CHRM2: variants seen among roughly 807,000 people sequenced by gnomAD.
The protein encoded by CHRM2 is muscarinic acetylcholine receptor M2.
A neutral mutation model predicts 25.0 loss-of-function variants in CHRM2; 8 were observed. That is an observed-to-expected ratio of 0.32 (90% confidence interval 0.19 to 0.58). The LOEUF is 0.58. CHRM2 is among the 20% of genes least tolerant of loss of function. The probability of loss-of-function intolerance (pLI) is 0.88; values close to 1 mark genes in which losing one functional copy is unlikely to be tolerated. For missense variants in CHRM2, 440 were observed against 567.1 expected, an observed-to-expected ratio of 0.78 and a Z score of 2.28; for synonymous variants, 202 against 205.7, an observed-to-expected ratio of 0.98 and a Z score of 0.15.
intron 2 of CHRM2, among the ~76,000 whole-genome samples, chr7:136,928,097 A>C (rs554981693): frequency 6.6e-6 from 1 of 152,300 alleles, no homozygotes; most frequent in South Asian, 2.1e-4. Context: ...AGGGACATTA[A>C]ATGTATAAGA....
chr7:136,940,832 A>G (rs1203298385), intron 2 of CHRM2, among the ~76,000 whole-genome samples: 1 of 152,196 alleles, frequency 6.6e-6, no homozygotes. Context: ...AATTAAGTAT[A>G]GGTGTTTTCT....
intron 2 of CHRM2, among the ~76,000 whole-genome samples, chr7:136,887,634 AG>A (rs1021242767): frequency 4.6e-5 from 7 of 152,190 alleles, no homozygotes; most frequent in African/African-American, 1.7e-4. Context: ...TCACCCTCAA[AG>A]AACAGATAAT....
At chr7:136,996,397 T>C (rs1321924405) in intron 3 of CHRM2, among the ~76,000 whole-genome samples, 1 of 152,088 alleles carries the variant, frequency 6.6e-6, no homozygotes, top group Non-Finnish European at 1.5e-5. Context: ...AAATTATAGC[T>C]AAAACTTCAA....
chr7:136,997,982 G>C (rs1027699679), intron 3 of CHRM2, among the ~76,000 whole-genome samples: 9 of 152,138 alleles, frequency 5.9e-5, no homozygotes, highest in African/African-American at 1.7e-4. Context: ...GACAGACTGG[G>C]TGAGAAAACA....
At chr7:137,004,249 G>A (rs324640) in intron 3 of CHRM2, among the ~76,000 whole-genome samples, 78,863 of 151,932 alleles carry the variant, frequency 0.52, 21,794 homozygotes, top group African/African-American at 0.66. Flanking sequence ...GCTACTTTTT[G>A]TCAGATGACA....
At chr7:136,952,308 C>A (rs1307644706) in intron 2 of CHRM2, among the ~76,000 whole-genome samples, 2 of 152,176 alleles carry the variant, frequency 1.3e-5, no homozygotes, top group Non-Finnish European at 2.9e-5. Context: ...ATTTTAATTT[C>A]CCTCTTATTT....
intron 2 of CHRM2, among the ~76,000 whole-genome samples, chr7:136,975,872 A>G (rs953856744): frequency 1.3e-5 from 2 of 152,184 alleles, no homozygotes; most frequent in Non-Finnish European, 2.9e-5. Context: ...ACACCAGGAT[A>G]ATTCCAATAC....
intron 2 of CHRM2, among the ~76,000 whole-genome samples, chr7:136,976,838 G>T (rs1476996788): frequency 6.6e-6 from 1 of 152,072 alleles, no homozygotes; most frequent in Non-Finnish European, 1.5e-5. Flanking sequence ...TAGTCAACTT[G>T]GTCCATGGAA....
At chr7:136,995,787 T>C (rs945485486) in intron 3 of CHRM2, among the ~76,000 whole-genome samples, 2 of 151,710 alleles carry the variant, frequency 1.3e-5, no homozygotes, top group Non-Finnish European at 2.9e-5. Flanking sequence ...ATAAATAAAA[T>C]TTTAAAAAAT....
At chr7:136,943,971 T>C (rs1799916944) in intron 2 of CHRM2, among the ~76,000 whole-genome samples, 2 of 152,240 alleles carry the variant, frequency 1.3e-5, no homozygotes, top group South Asian at 4.1e-4. Flanking sequence ...AGAAACAAAT[T>C]GAAAGATTGT....
chr7:136,945,029 T>C (rs182236819), intron 2 of CHRM2, among the ~76,000 whole-genome samples: 64 of 152,272 alleles, frequency 4.2e-4, no homozygotes, highest in Middle Eastern at 3.4e-3. Flanking sequence ...CATATGTTCG[T>C]TGGCCATTTG....
chr7:136,873,692 T>C (rs1434336795), intron 2 of CHRM2, among the ~76,000 whole-genome samples: 2 of 152,216 alleles, frequency 1.3e-5, no homozygotes, highest in Non-Finnish European at 2.9e-5. Context: ...CGGTTCGCTA[T>C]AAATAGTTGT....
chr7:136,931,740 G>C (rs1219521344), intron 2 of CHRM2, among the ~76,000 whole-genome samples: 1 of 152,164 alleles, frequency 6.6e-6, no homozygotes, highest in Non-Finnish European at 1.5e-5. Context: ...TCCCTTTGAA[G>C]ACTGCATTTC....
chr7:136,905,100 A>T (rs901745726), intron 2 of CHRM2, among the ~76,000 whole-genome samples: 1 of 151,956 alleles, frequency 6.6e-6, no homozygotes, highest in African/African-American at 2.4e-5. Context: ...TTTAATTTTT[A>T]AAATCTGAAG....
At chr7:137,014,562 T>C (rs184818410) in intron 3 of CHRM2, among the ~76,000 whole-genome samples, 17 of 152,124 alleles carry the variant, frequency 1.1e-4, no homozygotes, top group Admixed American at 5.2e-4. Flanking sequence ...GGTAGGTAGA[T>C]AGATACTCAT....
At chr7:136,893,945 C>T (rs1016582848) in intron 2 of CHRM2, among the ~76,000 whole-genome samples, 8 of 152,126 alleles carry the variant, frequency 5.3e-5, no homozygotes, top group East Asian at 3.9e-4. Context: ...CTTTGTTCTA[C>T]GTCTTCAATT....
intron 2 of CHRM2, among the ~76,000 whole-genome samples, chr7:136,882,277 C>T (rs1796295375): frequency 6.6e-6 from 1 of 151,970 alleles, no homozygotes. Context: ...ATATTCAACT[C>T]CTTTATACAA....
chr7:136,968,636 T>C (rs1040627581), intron 2 of CHRM2, among the ~76,000 whole-genome samples: 1 of 150,758 alleles, frequency 6.6e-6, no homozygotes, highest in Non-Finnish European at 1.5e-5. Flanking sequence ...CAAAGGTCTA[T>C]TGGCAGATGA....
intron 2 of CHRM2, among the ~76,000 whole-genome samples, chr7:136,930,235 C>T (rs1798982733): frequency 6.6e-6 from 1 of 151,930 alleles, no homozygotes. Context: ...GAGTTTGAGA[C>T]CAGCCTGGCC....
Sources: allele counts gnomAD v4.1 joint callset (sites outside exome capture counted in the v4.1 genomes callset), GRCh38; gene constraint gnomAD v4.1.1; transcripts MANE v1.5; gene names NCBI Gene and HGNC (gene_info 2026-07-23, HGNC 2026-07-21).